The following SYNCRIP variants were observed in gnomAD, a reference collection of about 807,000 sequenced individuals.
SYNCRIP encodes heterogeneous nuclear ribonucleoprotein Q.
SYNCRIP carries 9 observed loss-of-function variants against 68.9 expected under a neutral mutation model. The observed-to-expected ratio is 0.13, with a 90% CI of 0.08 to 0.23. The LOEUF is 0.23. Among genes scored for constraint, SYNCRIP ranks in the 10% least tolerant of loss-of-function variants. SYNCRIP has a pLI of 1.00. For synonymous variants in SYNCRIP, 258 were observed against 254.0 expected (o/e 1.02, Z -0.15); for missense variants, 414 against 770.6 (o/e 0.54, Z 5.48).
At chr6:85,640,379 A>C (rs753449616) in intron 3 of SYNCRIP, 51 bp from the exon 4 acceptor site, 1 of 1,588,870 alleles carries the variant, frequency 6.3e-7, no homozygotes, top group South Asian at 1.1e-5. Context: ...TCTGAGTCTA[A>C]TAAAATTCAG....
chr6:85,627,520 A>C (rs1807196540), intron 6 of SYNCRIP, among the ~76,000 whole-genome samples: 1 of 152,108 alleles, frequency 6.6e-6, no homozygotes, highest in African/African-American at 2.4e-5. Context: ...TCACCTAAAA[A>C]AAAACAAAAA....
At chr6:85,612,908 C>G, downstream of SYNCRIP, 1 of 1,550,872 alleles carries the variant, frequency 6.4e-7, no homozygotes, top group Non-Finnish European at 8.7e-7. Context: ...GGACCGGCCT[C>G]GACCCCTTTT....
intron 8 of SYNCRIP, among the ~76,000 whole-genome samples, chr6:85,621,041 G>T (rs959888618): frequency 2.0e-5 from 3 of 152,152 alleles, no homozygotes; most frequent in African/African-American, 7.2e-5. Context: ...AATCCTGAAA[G>T]CTTCTCAAAG....
chr6:85,629,567 T>C (rs1807472507), intron 6 of SYNCRIP, among the ~76,000 whole-genome samples: 1 of 147,612 alleles, frequency 6.8e-6, no homozygotes. Flanking sequence ...CTCATGCCTG[T>C]AATCCCAGCA....
chr6:85,643,568 G>A (rs1387332069), upstream of SYNCRIP, among the ~76,000 whole-genome samples: 4 of 146,838 alleles, frequency 2.7e-5, no homozygotes, highest in Admixed American at 6.8e-5. Context: ...TGTCCCACTC[G>A]TTTTCCTTTG....
In SYNCRIP at chr6:85,639,299, C is replaced by T. The variant is rs371404709; in HGVS notation, c.375+922G>A. Among the ~76,000 whole-genome samples the T allele has an allele frequency of 1.6e-4, 24 of 152,262 alleles. No homozygotes were observed. The East Asian group carries it at 4.6e-3, about 29-fold the overall frequency. On this transcript the variant is annotated intron_variant, in intron 4 of 10. Transcript: ENST00000369622. The stretch of plus-strand genomic sequence containing the variant: ...AAGTCACAAACTAAAAGTTTAAAAA[C>T]TTTAGTTCTAGCTCACCAATGCAAA...
intron 6 of SYNCRIP, among the ~76,000 whole-genome samples, chr6:85,627,139 G>A (rs1807142084): frequency 2.0e-5 from 3 of 151,848 alleles, no homozygotes; most frequent in South Asian, 2.1e-4. Context: ...GTGGTGGCAG[G>A]CACCTGTAAT....
exon 12 of SYNCRIP, chr6:85,608,547 G>C (rs1019550823): frequency 6.6e-6 from 1 of 151,848 alleles, no homozygotes; most frequent in African/African-American, 2.4e-5. Flanking sequence ...CCAAATCAAA[G>C]GGCCTGCAGA....
At chr6:85,624,722 T>A (rs1806842059) in intron 6 of SYNCRIP, among the ~76,000 whole-genome samples, 1 of 152,200 alleles carries the variant, frequency 6.6e-6, no homozygotes, top group Admixed American at 6.5e-5. Context: ...TAAATTGAAT[T>A]TTCGAGTAAC....
downstream of SYNCRIP, chr6:85,612,962 C>G: frequency 6.5e-7 from 1 of 1,547,298 alleles, no homozygotes. Flanking sequence ...GATAAATCAT[C>G]TTAAATTAAT....
intron 4 of SYNCRIP, among the ~76,000 whole-genome samples, chr6:85,639,854 G>A (rs1275252498): frequency 6.6e-6 from 1 of 152,070 alleles, no homozygotes; most frequent in African/African-American, 2.4e-5. Context: ...TAAATTCATT[G>A]GGGTTTGAGA....
exon 12 of SYNCRIP, chr6:85,608,414 A>G (rs1333116528): frequency 6.6e-6 from 1 of 152,014 alleles, no homozygotes; most frequent in Non-Finnish European, 1.5e-5. Context: ...TCTTAACATC[A>G]GAGGCAGTAC....
chr6:85,640,342 T>C lies in SYNCRIP; in HGVS notation c.268-14A>G. On this transcript the variant is annotated splice_polypyrimidine_tract_variant and intron_variant, in intron 3 of 10. Coordinates refer to ENST00000369622, the MANE Select transcript of SYNCRIP (RefSeq NM_006372.5). ...GGCACTTTTGTTCTGCAAAAAAATG[T>C]TCCATTAATATTTAACAATAACCAT... 6.2e-7 allele frequency: 1 copy of C among 1,608,548 alleles called. No individual in the cohort carries two copies. The highest frequency in any genetic ancestry group is 8.5e-7 in the Non-Finnish European group (1 of 1,176,102).
chr6:85,639,455 G>C (rs1339826859), intron 4 of SYNCRIP, among the ~76,000 whole-genome samples: 1 of 152,132 alleles, frequency 6.6e-6, no homozygotes, highest in Non-Finnish European at 1.5e-5. Context: ...GTCTTAAACA[G>C]CTAACTCCAT....
At chr6:85,617,435 TAAA>T (rs935199851) in intron 10 of SYNCRIP, among the ~76,000 whole-genome samples, 15 of 152,138 alleles carry the variant, frequency 9.9e-5, no homozygotes, top group African/African-American at 3.6e-4. Flanking sequence ...CTGAAAGAAA[TAAA>T]AAGAAGTTAT....
At chr6:85,612,948 G>A (rs1412267311), downstream of SYNCRIP, 4 of 1,549,712 alleles carry the variant, frequency 2.6e-6, no homozygotes, top group Non-Finnish European at 3.5e-6. Context: ...AAAGGAATCA[G>A]TTAGATAAAT....
intron 4 of SYNCRIP, among the ~76,000 whole-genome samples, chr6:85,639,474 C>A (rs1450114052): frequency 6.6e-6 from 1 of 152,160 alleles, no homozygotes. Flanking sequence ...ATATACCAAC[C>A]TTTTCCATAT....
chr6:85,642,000 G>A (rs142281025), intron 1 of SYNCRIP, among the ~76,000 whole-genome samples: 297 of 152,068 alleles, frequency 2.0e-3, no homozygotes, highest in Non-Finnish European at 3.7e-3. Context: ...CACTGCGGCC[G>A]CCAGGAGCCC....
At chr6:85,633,608 A>T (rs1808087137) in intron 6 of SYNCRIP, among the ~76,000 whole-genome samples, 1 of 152,206 alleles carries the variant, frequency 6.6e-6, no homozygotes, top group Non-Finnish European at 1.5e-5. Context: ...CTTACTAAAA[A>T]GTCAAAAAAA....
Sources: allele counts gnomAD v4.1 joint callset (sites outside exome capture counted in the v4.1 genomes callset), GRCh38; gene constraint gnomAD v4.1.1; transcripts MANE v1.5; gene names NCBI Gene and HGNC (gene_info 2026-07-23, HGNC 2026-07-21).